PTPN1: variants seen among roughly 807,000 people sequenced by gnomAD.
The protein encoded by PTPN1 is tyrosine-protein phosphatase non-receptor type 1.
A neutral mutation model predicts 59.9 loss-of-function variants in PTPN1; 12 were observed. The ratio of observed to expected loss-of-function variants is 0.20; its 90% confidence interval spans 0.13 to 0.32. The LOEUF (loss-of-function observed/expected upper bound fraction) is 0.32, where lower values mean the gene tolerates loss of function less well. Ranked by LOEUF, PTPN1 falls within the 10% of genes least tolerant of loss-of-function variation. PTPN1 has a pLI of 1.00. For synonymous variants in PTPN1, 178 were observed against 203.6 expected (o/e 0.87, Z 1.07); for missense variants, 356 against 549.2 (o/e 0.65, Z 3.52).
intron 1 of PTPN1, among the ~76,000 whole-genome samples, chr20:50,544,296 AT>A (rs1791907056): frequency 1.3e-5 from 2 of 151,974 alleles, no homozygotes; most frequent in South Asian, 4.1e-4. Flanking sequence ...GACCACAGAC[AT>A]GTACCACCAC....
intron 1 of PTPN1, among the ~76,000 whole-genome samples, chr20:50,531,101 T>C (rs1177519007): frequency 6.6e-6 from 1 of 152,182 alleles, no homozygotes; most frequent in Non-Finnish European, 1.5e-5. Context: ...GTCCAGCGTC[T>C]TTCCTCTGAT....
intron 1 of PTPN1, among the ~76,000 whole-genome samples, chr20:50,554,924 A>G (rs1399425130): frequency 1.3e-5 from 2 of 152,220 alleles, no homozygotes; most frequent in Non-Finnish European, 2.9e-5. Context: ...GAAAGCAGCT[A>G]AACTAGCAAT....
At chr20:50,541,312 T>G (rs1346937576) in intron 1 of PTPN1, among the ~76,000 whole-genome samples, 2 of 152,214 alleles carry the variant, frequency 1.3e-5, no homozygotes, top group Non-Finnish European at 2.9e-5. Context: ...GTCTATTTTC[T>G]CAATCCAAAT....
chr20:50,546,303 A>G (rs2082675991), intron 1 of PTPN1, among the ~76,000 whole-genome samples: 1 of 152,136 alleles, frequency 6.6e-6, no homozygotes, highest in Non-Finnish European at 1.5e-5. Context: ...TAATGCATTG[A>G]ATCTGAACCT....
intron 1 of PTPN1, among the ~76,000 whole-genome samples, chr20:50,559,161 A>G (rs1005173287): frequency 6.6e-6 from 1 of 150,810 alleles, no homozygotes; most frequent in East Asian, 2.0e-4. Flanking sequence ...CCTCCTGAGT[A>G]GCTGGGATTA....
In PTPN1 at chr20:50,562,532, G is replaced by C. The variant is rs142199498; in HGVS notation, c.154+1079G>C. 2.3e-3 allele frequency among the ~76,000 whole-genome samples: 343 copies of C among 152,312 alleles called. 1 individual carries two copies. The highest frequency in any genetic ancestry group is 3.8e-3 in the Non-Finnish European group (257 of 68,026). On this transcript the variant is annotated intron_variant, in intron 2 of 9. Transcript: ENST00000371621. ...GTTCTCTCTCATAGGAGTGTGTGAA[G>C]ATGAAGCAACATAAGCTGCTTAGCC... is the stretch of plus-strand genomic sequence containing the variant.
intron 1 of PTPN1, among the ~76,000 whole-genome samples, chr20:50,536,688 C>A (rs1050920817): frequency 6.6e-6 from 1 of 152,026 alleles, no homozygotes; most frequent in African/African-American, 2.4e-5. Context: ...CTTTGTTTAC[C>A]CAGATTTTTT....
chr20:50,577,304 T>G (rs2122800734), intron 5 of PTPN1, among the ~76,000 whole-genome samples: 1 of 152,304 alleles, frequency 6.6e-6, no homozygotes, highest in Middle Eastern at 3.4e-3. Context: ...ATTCGTCAAG[T>G]GAAGGAAGGC....
rs892773266 is a variant in PTPN1 at position 50,549,703 on chromosome 20, A to G, written c.64-11660A>G. Among the ~76,000 whole-genome samples, 8 of 152,114 alleles carry G rather than the reference A, an allele frequency of 5.3e-5. No individual in the cohort carries two copies. The East Asian group carries it at 1.5e-3, about 29-fold the overall frequency. On this transcript the variant is annotated intron_variant, in intron 1 of 9. Transcript: ENST00000371621. ...TAGTCATTTTAAAATTTAAACCAAA[A>G]CAGACTTGGTACTGATTAGCTTAAT...
chr20:50,519,354 C>CT (rs200269991), intron 1 of PTPN1, among the ~76,000 whole-genome samples: 11 of 152,130 alleles, frequency 7.2e-5, no homozygotes, highest in East Asian at 3.9e-4. Flanking sequence ...AACCCAGTGC[C>CT]TTTTTTTTAC....
chr20:50,517,450 G>A (rs1020774565), intron 1 of PTPN1, among the ~76,000 whole-genome samples: 2 of 152,046 alleles, frequency 1.3e-5, no homozygotes, highest in African/African-American at 2.4e-5. Flanking sequence ...GTAGAGATGG[G>A]ATTTTGCTGT....
Position 50,568,277 on chromosome 20 carries a change from G to A in PTPN1, c.256-103G>A. 1.0e-6 allele frequency: 1 copy of A among 978,858 alleles called. No homozygotes were observed. Among genetic ancestry groups the A allele is most frequent in the Non-Finnish European group, 1.6e-6 (1 of 617,366 alleles). 60.6% of individuals were successfully genotyped at this position (978,858 alleles called of 1,614,324 possible). ...CCTCAGCCACCACTCTGCCTAAGCTGTGGGGACTGAGGGCGCTGTCGTTAG... is the reference window on the plus strand; with the variant it reads ...CCTCAGCCACCACTCTGCCTAAGCTATGGGGACTGAGGGCGCTGTCGTTAG... On this transcript the variant is annotated intron_variant, in intron 3 of 9. Coordinates refer to ENST00000371621, the MANE Select transcript of PTPN1 (RefSeq NM_002827.4). This position sits in a 1 kb window ranked among gnomAD's most constrained non-coding sequence, Gnocchi z 5.6.
intron 1 of PTPN1, among the ~76,000 whole-genome samples, chr20:50,531,533 T>C (rs947816506): frequency 1.3e-5 from 2 of 152,162 alleles, no homozygotes; most frequent in Non-Finnish European, 2.9e-5. Flanking sequence ...CCCGCCACCA[T>C]GCCCAGCTAA....
At chr20:50,575,647 G>C (rs2082833016) in intron 5 of PTPN1, among the ~76,000 whole-genome samples, 1 of 152,214 alleles carries the variant, frequency 6.6e-6, no homozygotes, top group East Asian at 1.9e-4. Flanking sequence ...ATGTAAGCCA[G>C]GTGCGGTGGC....
intron 5 of PTPN1, among the ~76,000 whole-genome samples, chr20:50,575,812 A>G (rs2082834091): frequency 6.6e-6 from 1 of 152,182 alleles, no homozygotes; most frequent in Non-Finnish European, 1.5e-5. Flanking sequence ...CCTATAGTCC[A>G]GCTACTCAGG....
chr20:50,577,856 G>C (rs548664783), intron 5 of PTPN1: 1 of 154,116 alleles, frequency 6.5e-6, no homozygotes, highest in Non-Finnish European at 1.4e-5. Context: ...GGCTGATGCC[G>C]TTCGCATTGA....
intron 2 of PTPN1, among the ~76,000 whole-genome samples, 163 bp downstream of exon 2, chr20:50,561,616 A>G (rs2082752797): frequency 6.6e-6 from 1 of 152,122 alleles, no homozygotes; most frequent in African/African-American, 2.4e-5. Flanking sequence ...ACTTATAGTA[A>G]TAGCTCATTT....
intron 1 of PTPN1, among the ~76,000 whole-genome samples, chr20:50,548,073 C>G (rs767462901): frequency 7.6e-4 from 115 of 152,078 alleles, no homozygotes; most frequent in Admixed American, 2.0e-3. Context: ...CGTTTGCCTC[C>G]GTGTCTCAGT....
At chr20:50,557,699 A>G (rs2082731861) in intron 1 of PTPN1, 1 of 152,046 alleles carries the variant, frequency 6.6e-6, no homozygotes, top group Admixed American at 6.5e-5. Flanking sequence ...GGGTCTTACT[A>G]TATTGCCCAG....
Sources: gnomAD v4.1 joint callset for allele counts (sites outside exome capture counted in the v4.1 genomes callset) on GRCh38, gnomAD v4.1.1 for gene constraint, Gnocchi (gnomAD v3.1) non-coding constraint, MANE v1.5 for transcripts, NCBI Gene and HGNC (gene_info 2026-07-23, HGNC 2026-07-21) for gene names.